Variants in TSHZ3 observed in about 807,000 individuals in gnomAD.
TSHZ3 encodes the protein teashirt homolog 3.
A neutral mutation model predicts 64.5 loss-of-function variants in TSHZ3; 10 were observed. The ratio of observed to expected loss-of-function variants is 0.16; its 90% CI spans 0.10 to 0.26. The LOEUF (loss-of-function observed/expected upper bound fraction) is 0.26. Among genes scored for constraint, TSHZ3 ranks in the 10% least tolerant of loss-of-function variants. TSHZ3 has a pLI of 1.00. For missense variants in TSHZ3, 1,242 were observed against 1,421.7 expected, an observed-to-expected ratio of 0.87 and a Z score of 2.03; for synonymous variants, 608 against 593.1, an observed-to-expected ratio of 1.03 and a Z score of -0.36.
intron 4 of TSHZ3, among the ~76,000 whole-genome samples, chr19:31,220,556 CTTT>C (rs1975383697): frequency 6.6e-6 from 1 of 152,044 alleles, no homozygotes; most frequent in Non-Finnish European, 1.5e-5. Context: ...TGTGATAGTT[CTTT>C]GTCTCTCATT....
chr19:31,159,889 A>C (rs1202137867), intron 5 of TSHZ3, among the ~76,000 whole-genome samples: 1 of 152,028 alleles, frequency 6.6e-6, no homozygotes, highest in Non-Finnish European at 1.5e-5. Flanking sequence ...ATGGGGTCTC[A>C]CTATGTTGCC....
At chr19:31,227,768 G>C (rs572874058) in intron 4 of TSHZ3, among the ~76,000 whole-genome samples, 146 of 152,272 alleles carry the variant, frequency 9.6e-4, no homozygotes, top group African/African-American at 3.2e-3. Flanking sequence ...CTTGAACTCA[G>C]CTCCAGGCAG....
intron 1 of TSHZ3, among the ~76,000 whole-genome samples, chr19:31,344,104 A>G (rs1266501215): frequency 6.6e-6 from 1 of 152,224 alleles, no homozygotes; most frequent in Non-Finnish European, 1.5e-5. Flanking sequence ...TTGTTACTAA[A>G]TACAATATAT....
chr19:31,221,902 A>G (rs1049828457), intron 4 of TSHZ3, among the ~76,000 whole-genome samples: 8 of 152,168 alleles, frequency 5.3e-5, no homozygotes, highest in African/African-American at 1.9e-4. Context: ...TAAGACTGCA[A>G]GCCAAGGTGT....
chr19:31,235,005 G>GT (rs1002789824), intron 3 of TSHZ3, among the ~76,000 whole-genome samples: 3 of 152,108 alleles, frequency 2.0e-5, no homozygotes, highest in Non-Finnish European at 2.9e-5. Context: ...TGTATGGGAA[G>GT]TTTTTTTATG....
At chr19:31,249,156 A>G (rs1456485227) in intron 1 of TSHZ3, among the ~76,000 whole-genome samples, 2 of 152,026 alleles carry the variant, frequency 1.3e-5, no homozygotes, top group African/African-American at 4.8e-5. Flanking sequence ...GCCTCTGCCT[A>G]GGGGTCAAGT....
intron 5 of TSHZ3, among the ~76,000 whole-genome samples, chr19:31,191,847 C>T (rs1974914060): frequency 6.6e-6 from 1 of 151,976 alleles, no homozygotes; most frequent in African/African-American, 2.4e-5. Flanking sequence ...AGACTGCACC[C>T]CAGCCTGGGT....
intron 1 of TSHZ3, among the ~76,000 whole-genome samples, chr19:31,328,436 C>A (rs1916987577): frequency 6.6e-6 from 1 of 152,264 alleles, no homozygotes. Flanking sequence ...TGACAAATGG[C>A]AGCAGGACTG....
chr19:31,270,583 G>C (rs1025816763), downstream of TSHZ3, among the ~76,000 whole-genome samples: 8 of 152,206 alleles, frequency 5.3e-5, no homozygotes, highest in African/African-American at 1.7e-4. Context: ...CCAAAGGGTT[G>C]CGATTACGGG....
intron 5 of TSHZ3, among the ~76,000 whole-genome samples, chr19:31,197,763 A>C (rs1178512248): frequency 2.0e-5 from 3 of 152,006 alleles, no homozygotes; most frequent in Non-Finnish European, 4.4e-5. Context: ...AGAAATTGAC[A>C]ATTTTAATAG....
intron 5 of TSHZ3, among the ~76,000 whole-genome samples, chr19:31,194,028 C>T (rs978731118): frequency 3.3e-5 from 5 of 152,056 alleles, no homozygotes; most frequent in East Asian, 1.9e-4. Context: ...GACAAATCAC[C>T]GACCCCAAAA....
chr19:31,150,583 A>T (rs1974225552), exon 7 of TSHZ3, among the ~76,000 whole-genome samples: 1 of 152,016 alleles, frequency 6.6e-6, no homozygotes, highest in African/African-American at 2.4e-5. Context: ...TGCAAGGGAG[A>T]TGGCTGCCCC....
At chr19:31,174,571 G>A (rs980519263) in intron 5 of TSHZ3, among the ~76,000 whole-genome samples, 1 of 152,172 alleles carries the variant, frequency 6.6e-6, no homozygotes, top group African/African-American at 2.4e-5. Context: ...TGTCCCCTTT[G>A]TATTGGTATT....
At chr19:31,162,390 A>G (rs1427024155) in intron 5 of TSHZ3, among the ~76,000 whole-genome samples, 1 of 152,176 alleles carries the variant, frequency 6.6e-6, no homozygotes, top group African/African-American at 2.4e-5. Flanking sequence ...CAGATGAAAC[A>G]ATAATTTATG....
At chr19:31,250,607 C>T (rs569848178) in intron 1 of TSHZ3, among the ~76,000 whole-genome samples, 3 of 152,272 alleles carry the variant, frequency 2.0e-5, no homozygotes, top group South Asian at 2.1e-4. Flanking sequence ...AAGTGGAATA[C>T]GCTAAGTATT....
rs1251739762 is a variant in TSHZ3, at chr19:31,174,564, C to T, written n.810-18147G>A. ...AAATGAACCATCACACCTGGTGTGT[C>T]CCCTTTGTATTGGTATTTTGTGACT... On this transcript the variant is annotated intron_variant and non_coding_transcript_variant, in intron 5 of 6. Coordinates refer to the TSHZ3 transcript ENST00000651361. Among the ~76,000 whole-genome samples the T allele has an allele frequency of 2.0e-5, 3 of 152,318 alleles. No individual in the cohort carries two copies. In the East Asian group the frequency reaches 5.8e-4, roughly 29 times the overall value.
chr19:31,257,850 G>T (rs922470476), intron 1 of TSHZ3, among the ~76,000 whole-genome samples: 3 of 152,210 alleles, frequency 2.0e-5, no homozygotes, highest in Non-Finnish European at 4.4e-5. Context: ...AAGCAGATCT[G>T]ACTGGGGATT....
intron 5 of TSHZ3, among the ~76,000 whole-genome samples, chr19:31,171,159 C>T (rs899790512): frequency 2.0e-5 from 3 of 152,036 alleles, no homozygotes; most frequent in African/African-American, 7.2e-5. Context: ...AAGAGAGATG[C>T]CAGTACCCCG....
At chr19:31,285,181 C>T (rs1420765531) in intron 1 of TSHZ3, among the ~76,000 whole-genome samples, 1 of 152,158 alleles carries the variant, frequency 6.6e-6, no homozygotes, top group Non-Finnish European at 1.5e-5. Flanking sequence ...CAAATACCCT[C>T]TTCAGGAATG....
Sources: gnomAD v4.1 joint callset for allele counts (sites outside exome capture counted in the v4.1 genomes callset) on GRCh38, gnomAD v4.1.1 for gene constraint, MANE v1.5 for transcripts, NCBI Gene and HGNC (gene_info 2026-07-23, HGNC 2026-07-21) for gene names.